TG: variants seen among roughly 807,000 people sequenced by gnomAD.
The protein encoded by TG is thyroglobulin.
A neutral mutation model predicts 324.7 loss-of-function variants in TG; 270 were observed. That is an observed-to-expected ratio of 0.83 (90% CI 0.75 to 0.92). TG has a LOEUF of 0.92. TG is among the 40% of genes least tolerant of loss of function. The pLI, the probability that TG is intolerant of heterozygous loss-of-function variation, is 0.00. For synonymous variants in TG, 1,401 were observed against 1,327.0 expected, an observed-to-expected ratio of 1.06 and a Z score of -1.21; for missense variants, 3,591 against 3,456.4, an observed-to-expected ratio of 1.04 and a Z score of -0.98.
chr8:132,871,678 G>T, intron 4 of TG, 127 bp downstream of exon 4: 1 of 878,608 alleles, frequency 1.1e-6, no homozygotes, highest in Non-Finnish European at 1.7e-6. Flanking sequence ...TAGGGAAAAT[G>T]AAAGCTTCAA....
chr8:132,942,376 C>A (rs953314914), intron 26 of TG, among the ~76,000 whole-genome samples: 6 of 152,200 alleles, frequency 3.9e-5, no homozygotes, highest in African/African-American at 1.4e-4. Context: ...TATATGAAAA[C>A]CAATCCTGTT....
At chr8:133,052,051 C>G (rs1840502451) in intron 41 of TG, among the ~76,000 whole-genome samples, 1 of 152,190 alleles carries the variant, frequency 6.6e-6, no homozygotes. Flanking sequence ...ACCCCAAGAT[C>G]TGGAGAAATC....
intron 44 of TG, among the ~76,000 whole-genome samples, chr8:133,114,169 G>A (rs1850501499): frequency 6.6e-6 from 1 of 152,222 alleles, no homozygotes; most frequent in Admixed American, 6.5e-5. Flanking sequence ...AGGTTTTGTG[G>A]CTGATACCAC....
intron 20 of TG, among the ~76,000 whole-genome samples, chr8:132,918,565 T>C (rs1199191707): frequency 2.6e-5 from 4 of 152,294 alleles, no homozygotes; most frequent in Non-Finnish European, 2.9e-5. Flanking sequence ...TAAATCAACA[T>C]TGGCTCCATC....
At chr8:133,059,908 G>A (rs954734208) in intron 41 of TG, among the ~76,000 whole-genome samples, 2 of 152,214 alleles carry the variant, frequency 1.3e-5, no homozygotes, top group Non-Finnish European at 2.9e-5. Context: ...CAGGTGCGCC[G>A]AGCACCCAAT....
chr8:132,913,336 T>A (rs1320236585), intron 20 of TG, 71 bp downstream of exon 20: 1 of 1,482,560 alleles, frequency 6.7e-7, no homozygotes, highest in Non-Finnish European at 9.4e-7. Flanking sequence ...ACCTCAGCAC[T>A]GGAGAGAGGC....
chr8:132,966,464 CTCTG>C (rs1309389697), intron 29 of TG, 92 bp from the exon 30 acceptor site: 1,973 of 1,134,356 alleles, frequency 1.7e-3, no homozygotes, highest in East Asian at 7.3e-3. Flanking sequence ...CTGTCTCTCT[CTCTG>C]TGTGTGTGTG....
intron 32 of TG, 93 bp downstream of exon 32, chr8:132,969,662 C>G: frequency 1.9e-6 from 2 of 1,030,474 alleles, no homozygotes; most frequent in Non-Finnish European, 1.5e-6. Flanking sequence ...GAAGCATACC[C>G]AGCACTTTGG....
rs533186014 is a variant in TG at position 132,991,544 on chromosome 8, C to A, written c.6262+8132C>A. Among the ~76,000 whole-genome samples the A allele has an allele frequency of 5.9e-5, 9 of 152,328 alleles. 1 individual carries two copies. The South Asian group carries it at 1.9e-3, about 32-fold the overall frequency. On this transcript the variant is annotated intron_variant, in intron 35 of 47. Transcript: ENST00000220616. ...ATGCATGCATGTGCACACGCACACA[C>A]GCACACAAGCCATTTTGAGGGAGCT...
intron 45 of TG, among the ~76,000 whole-genome samples, chr8:133,121,523 T>C (rs1323306590): frequency 1.3e-5 from 2 of 152,246 alleles, no homozygotes; most frequent in Non-Finnish European, 1.5e-5. Flanking sequence ...AAACATTTTA[T>C]AGTAGCGGTA....
At chr8:133,115,338 A>G (rs1588129567) in intron 44 of TG, among the ~76,000 whole-genome samples, 1 of 152,106 alleles carries the variant, frequency 6.6e-6, no homozygotes, top group African/African-American at 2.4e-5. Context: ...GCAGTGTCCC[A>G]CCCGAGGCCT....
chr8:133,078,540 A>G (rs953881405), intron 41 of TG, among the ~76,000 whole-genome samples: 30 of 152,146 alleles, frequency 2.0e-4, no homozygotes, highest in African/African-American at 6.3e-4. Flanking sequence ...GAATATTGTC[A>G]TTTATTCAAG....
intron 41 of TG, among the ~76,000 whole-genome samples, chr8:133,054,920 C>T (rs894409118): frequency 1.3e-5 from 2 of 152,192 alleles, no homozygotes; most frequent in Non-Finnish European, 2.9e-5. Flanking sequence ...AGAACATTCT[C>T]AGTCACTCCC....
chr8:133,072,239 C>G (rs1844171858), intron 41 of TG, among the ~76,000 whole-genome samples: 1 of 152,200 alleles, frequency 6.6e-6, no homozygotes, highest in African/African-American at 2.4e-5. Flanking sequence ...CACTGAGCCC[C>G]CAACCCCTAA....
In TG at chr8:132,966,695, C is replaced by T. The variant is rs1431249332; in HGVS notation, c.5684C>T (p.Ser1895Phe). 3 of 1,614,060 alleles carry T rather than the reference C, an allele frequency of 1.9e-6. No individual in the cohort carries two copies. The highest frequency in any genetic ancestry group is 2.5e-6 in the Non-Finnish European group (3 of 1,179,962). Residue 1895 changes from serine to phenylalanine, a missense_variant and splice_region_variant, in exon 30 of 48, where the codon TCT (serine) becomes TTT (phenylalanine). By Grantham distance (155) the Ser-to-Phe change is radical. Coordinates refer to ENST00000220616, the MANE Select transcript of TG (RefSeq NM_003235.5). ...SAQQANLWCL[S>F]RCVQEHSFCQ... The stretch of plus-strand genomic sequence containing the variant: ...CAGCAGGCAAACCTATGGTGCCTTT[C>T]TCGTAAGTATCCTTAGAACTCATTC...
chr8:133,088,330 A>ACCAG (rs1846948632), intron 41 of TG, among the ~76,000 whole-genome samples: 1 of 151,764 alleles, frequency 6.6e-6, no homozygotes, highest in South Asian at 2.1e-4. Context: ...GTGGCCATCC[A>ACCAG]CCAGCCGCTC....
chr8:133,093,614 A>G lies in TG; in HGVS notation c.7240-1430A>G, dbSNP rs537030219. Reference sequence around the variant, plus strand: ...CAGCGGCCGTGTCCAGGATCCCCCAATTCCATGCACTTGTGTTTTTCCTTG... The same window carrying G: ...CAGCGGCCGTGTCCAGGATCCCCCAGTTCCATGCACTTGTGTTTTTCCTTG... On this transcript the variant is annotated intron_variant, in intron 41 of 47. Transcript: ENST00000220616. 1.6e-4 allele frequency among the ~76,000 whole-genome samples: 25 copies of G among 152,142 alleles called. No homozygotes were observed. The East Asian group carries it at 2.5e-3, about 15-fold the overall frequency.
chr8:133,064,931 T>A (rs1842848314), intron 41 of TG, among the ~76,000 whole-genome samples: 1 of 152,084 alleles, frequency 6.6e-6, no homozygotes, highest in African/African-American at 2.4e-5. Flanking sequence ...ATTGAGGAAG[T>A]CCAACCAAGG....
At chr8:133,081,805 T>C (rs1348058940) in intron 41 of TG, among the ~76,000 whole-genome samples, 2 of 152,184 alleles carry the variant, frequency 1.3e-5, no homozygotes, top group Non-Finnish European at 2.9e-5. Flanking sequence ...CAGGACCCAA[T>C]TTCAGTTGTT....
Sources: gnomAD v4.1 joint callset for allele counts (sites outside exome capture counted in the v4.1 genomes callset) on GRCh38, gnomAD v4.1.1 for gene constraint, MANE v1.5 for transcripts, NCBI Gene and HGNC (gene_info 2026-07-23, HGNC 2026-07-21) for gene names.